The following ITPR3 variants were observed in gnomAD, a reference collection of about 807,000 sequenced individuals.
ITPR3 encodes the protein inositol 1,4,5-trisphosphate-gated calcium channel ITPR3.
A neutral mutation model predicts 293.2 loss-of-function variants in ITPR3; 173 were observed. The observed-to-expected ratio is 0.59, with a 90% confidence interval of 0.52 to 0.67. ITPR3 has a LOEUF of 0.67. ITPR3 is among the 30% of genes least tolerant of loss of function. The pLI is 0.00. For synonymous variants in ITPR3, 1,295 were observed against 1,444.4 expected, an observed-to-expected ratio of 0.90 and a Z score of 2.35; for missense variants, 2,796 against 3,592.1, an observed-to-expected ratio of 0.78 and a Z score of 5.66.
intron 26 of ITPR3, 25 bp from the exon 27 acceptor site, chr6:33,676,990 A>T (rs1180514668): frequency 6.2e-7 from 1 of 1,613,794 alleles, no homozygotes; most frequent in Non-Finnish European, 8.5e-7. Context: ...GGCCTGGCTG[A>T]TCTCCTTCCT....
rs1285837292 is a variant in ITPR3 at position 33,638,158 on chromosome 6, G to A, written c.90-2326G>A. Among the ~76,000 whole-genome samples the A allele has an allele frequency of 5.9e-5, 9 of 152,004 alleles. No individual in the cohort carries two copies. The highest frequency in any genetic ancestry group is 1.9e-4 in the East Asian group (1 of 5,154). On this transcript the variant is annotated intron_variant, in intron 1 of 57. Coordinates refer to ENST00000605930, the MANE Select transcript of ITPR3 (RefSeq NM_002224.4). This position sits in a 1 kb window ranked among gnomAD's most constrained non-coding sequence, Gnocchi z 4.3. ...GTAGCTGGGATTACAGGCGCGCACC[G>A]CCACGCCCAGCTAATTTTTGTATTT...
chr6:33,623,199 A>G (rs1048822733), intron 1 of ITPR3, among the ~76,000 whole-genome samples: 1 of 151,778 alleles, frequency 6.6e-6, no homozygotes, highest in Non-Finnish European at 1.5e-5. Context: ...GGACATAGGG[A>G]TCTATCGTGG....
intron 31 of ITPR3, 46 bp from the exon 32 acceptor site, chr6:33,680,283 G>T: frequency 1.9e-6 from 3 of 1,587,856 alleles, no homozygotes; most frequent in Non-Finnish European, 2.6e-6. Flanking sequence ...GGAGAGCCTG[G>T]CCAGGCGGCC....
At chr6:33,663,372 CACCCCTGGGAGGGT>C in intron 9 of ITPR3, 114 bp from the exon 10 acceptor site, 1 of 798,698 alleles carries the variant, frequency 1.3e-6, no homozygotes, top group Non-Finnish European at 2.0e-6. Context: ...ATGATATGGG[CACCCCTGGGAGGGT>C]GCAGCCTGCC....
In ITPR3 at chr6:33,688,048, C is replaced by T. The variant is rs1301875774; in HGVS notation, c.6265-9C>T. ...TGGGGCCTGACCTCCGCGCCCTCCC[C>T]ACCTCCAGCTCAGCCTCAACAACAA... On this transcript the variant is annotated splice_polypyrimidine_tract_variant and intron_variant, in intron 46 of 57. Transcript: ENST00000605930. 6.2e-7 allele frequency: 1 copy of T among 1,611,006 alleles called. No individual in the cohort carries two copies. Among genetic ancestry groups the T allele is most frequent in the Non-Finnish European group, 8.5e-7 (1 of 1,178,078 alleles).
At chr6:33,676,707 GTC>G in intron 25 of ITPR3, 59 bp from the exon 26 acceptor site, 1 of 1,592,092 alleles carries the variant, frequency 6.3e-7, no homozygotes, top group South Asian at 1.1e-5. Flanking sequence ...GGTGCTGGAG[GTC>G]TCTAAGTGGC....
At position 33,684,874 on chromosome 6, in the gene ITPR3, C is replaced by T. The variant is rs774654242; in HGVS notation, c.5238C>T (p.Asn1746=). The part of the protein sequence containing the change: ...LVCDLITSTK[N]EKIFQESIGL... ...GCGACCTCATCACCAGCACCAAGAA[C>T]GAGAAGATCTTCCAGGAGAGCATCG... is the stretch of plus-strand genomic sequence containing the variant. Residue 1746 remains asparagine, a synonymous_variant, in exon 39 of 58, where the codon AAC becomes AAT. Transcript: ENST00000605930. This position sits in a 1 kb window ranked among gnomAD's most constrained non-coding sequence, Gnocchi z 4.2. 12 of 1,614,106 alleles carry T rather than the reference C, an allele frequency of 7.4e-6. No individual in the cohort carries two copies. Among genetic ancestry groups the T allele is most frequent in the East Asian group, 4.5e-5 (2 of 44,868 alleles).
At position 33,690,899 on chromosome 6, in the gene ITPR3, C is replaced by T. The variant is rs1051041732; in HGVS notation, c.7033-18C>T. The stretch of plus-strand genomic sequence containing the variant: ...CAGCCCCTCAAGGTGCCATCCCTAT[C>T]TCAACCCCATCCTGCAGCTCTTTGA... On this transcript the variant is annotated intron_variant, in intron 51 of 57. Transcript: ENST00000605930. 1 of 1,611,728 alleles carries T rather than the reference C, an allele frequency of 6.2e-7. No individual in the cohort carries two copies. The highest frequency in any genetic ancestry group is 8.5e-7 in the Non-Finnish European group (1 of 1,178,362).
intron 2 of ITPR3, among the ~76,000 whole-genome samples, chr6:33,640,820 A>G (rs1763934927): frequency 6.6e-6 from 1 of 152,214 alleles, no homozygotes; most frequent in Admixed American, 6.5e-5. Flanking sequence ...TCTCCCCCCA[A>G]AATCCCCACA....
Position 33,632,802 on chromosome 6 carries a change from GGGA to G in ITPR3, c.90-7680_90-7678del, listed in dbSNP as rs1483860340. The stretch of plus-strand genomic sequence containing the variant: ...AGCCTCTGCTGGGCTGGTCCTGGAG[GGGA>G]GAAGGGGACACACAGGTGTAGACAG... On this transcript the variant is annotated intron_variant, in intron 1 of 57. Coordinates refer to ENST00000605930, the MANE Select transcript of ITPR3 (RefSeq NM_002224.4). This position sits in a 1 kb window ranked among gnomAD's most constrained non-coding sequence, Gnocchi z 4.1. 9.9e-5 allele frequency among the ~76,000 whole-genome samples: 15 copies of G among 152,234 alleles called. No individual in the cohort carries two copies. Among genetic ancestry groups the G allele is most frequent in the Admixed American group, 9.8e-4 (15 of 15,286 alleles).
chr6:33,674,299 G>T (rs751097193), intron 24 of ITPR3, 34 bp downstream of exon 24: 1 of 1,607,318 alleles, frequency 6.2e-7, no homozygotes, highest in Non-Finnish European at 8.5e-7. Flanking sequence ...GGGTGTGTGG[G>T]GTTGGGAGGC....
Position 33,621,758 on chromosome 6 carries a change from C to A in ITPR3, c.89+67C>A. On this transcript the variant is annotated intron_variant, in intron 1 of 57. Coordinates refer to ENST00000605930, the MANE Select transcript of ITPR3 (RefSeq NM_002224.4). This position sits in a 1 kb window ranked among gnomAD's most constrained non-coding sequence, Gnocchi z 7.7. ...GCGCCGTGGGCCCTGGTGCCAGCTGCGTGCGTCCAGCCGCCGCCCCCCGAT... is the reference window on the plus strand; with the variant it reads ...GCGCCGTGGGCCCTGGTGCCAGCTGAGTGCGTCCAGCCGCCGCCCCCCGAT... 1 of 1,256,564 alleles carries A rather than the reference C, an allele frequency of 8.0e-7. No individual in the cohort carries two copies. 77.8% of individuals were successfully genotyped at this position (1,256,564 alleles called of 1,614,324 possible).
At chr6:33,641,040 C>T (rs1763939188) in intron 2 of ITPR3, among the ~76,000 whole-genome samples, 1 of 152,216 alleles carries the variant, frequency 6.6e-6, no homozygotes, top group Admixed American at 6.5e-5. Context: ...GTGAGTCCTG[C>T]CCTGCAGGAG....
At chr6:33,639,765 A>G (rs1331711259) in intron 1 of ITPR3, among the ~76,000 whole-genome samples, 1 of 151,710 alleles carries the variant, frequency 6.6e-6, no homozygotes, top group African/African-American at 2.4e-5. Context: ...GGCTGGGTAG[A>G]TGGATGGGTG....
rs1347010138 is a variant in ITPR3 at position 33,684,292 on chromosome 6, G to C, written c.4938-65G>C. 2.5e-6 allele frequency: 4 copies of C among 1,593,990 alleles called. No individual in the cohort carries two copies. In the East Asian group the frequency reaches 6.7e-5, roughly 27 times the overall value. On this transcript the variant is annotated intron_variant, in intron 36 of 57. Transcript: ENST00000605930. This position sits in a 1 kb window ranked among gnomAD's most constrained non-coding sequence, Gnocchi z 4.2. ...CTGGGGGTGTTCCTGCCTGGGATGG[G>C]GTGGGGAAGTAGCTGGAGGGAGGCA...
At position 33,652,027 on chromosome 6, in the gene ITPR3, C is replaced by T. The variant is rs377532322; in HGVS notation, c.161-3739C>T. Among the ~76,000 whole-genome samples the T allele has an allele frequency of 4.6e-5, 7 of 152,250 alleles. 1 individual carries two copies. The highest frequency in any genetic ancestry group is 6.5e-5 in the Admixed American group (1 of 15,292). On this transcript the variant is annotated intron_variant, in intron 2 of 57. Transcript: ENST00000605930. ...GGTGGGCCATGTGGAGACCAAGTAG[C>T]TGACAATCCCCAGGACCTGTGGGCT...
chr6:33,623,528 A>G (rs750452148), intron 1 of ITPR3, among the ~76,000 whole-genome samples: 54 of 151,772 alleles, frequency 3.6e-4, no homozygotes, highest in Non-Finnish European at 7.2e-4. Flanking sequence ...GGGTTTCACC[A>G]TGTTGCCCAG....
intron 24 of ITPR3, among the ~76,000 whole-genome samples, chr6:33,674,737 C>CAT (rs966477557): frequency 9.9e-5 from 15 of 152,188 alleles, no homozygotes; most frequent in Admixed American, 3.9e-4. Flanking sequence ...AAATAAAGCA[C>CAT]ATAACAAGAC....
chr6:33,657,248 C>T (rs1468964688), intron 3 of ITPR3, among the ~76,000 whole-genome samples: 1 of 152,230 alleles, frequency 6.6e-6, no homozygotes, highest in Non-Finnish European at 1.5e-5. Context: ...CCTCCAGGAA[C>T]CCCTAATCTG....
Sources: gnomAD v4.1 joint callset for allele counts (sites outside exome capture counted in the v4.1 genomes callset) on GRCh38, gnomAD v4.1.1 for gene constraint, Gnocchi (gnomAD v3.1) non-coding constraint, MANE v1.5 for transcripts, NCBI Gene and HGNC (gene_info 2026-07-23, HGNC 2026-07-21) for gene names.